MGAT4C: variants seen among roughly 807,000 people sequenced by gnomAD.
MGAT4C encodes alpha-1,3-mannosyl-glycoprotein 4-beta-N-acetylglucosaminyltransferase C.
MGAT4C carries 19 observed loss-of-function variants against 40.1 expected under a neutral mutation model. The observed-to-expected ratio is 0.47, with a 90% CI of 0.33 to 0.70. MGAT4C has a LOEUF of 0.70. Among genes scored for constraint, MGAT4C ranks in the 30% least tolerant of loss-of-function variants. The pLI is 0.02. For synonymous variants in MGAT4C, 181 were observed against 187.1 expected (o/e 0.97, Z 0.27); for missense variants, 491 against 563.2 (o/e 0.87, Z 1.30).
Position 86,510,340 on chromosome 12 carries a change from G to A in MGAT4C, c.-228-75075C>T, listed in dbSNP as rs181416410. On this transcript the variant is annotated intron_variant, in intron 2 of 7. Coordinates refer to the MGAT4C transcript ENST00000548651. Reference sequence around the variant, plus strand: ...TGCTCTAAAAGAGCTCCTGAAGGAAGCACTAAACATGGAAAGGAAAAACCG... The same window carrying A: ...TGCTCTAAAAGAGCTCCTGAAGGAAACACTAAACATGGAAAGGAAAAACCG... Among the ~76,000 whole-genome samples, 5 of 152,172 alleles carry A rather than the reference G, an allele frequency of 3.3e-5. No homozygotes were observed. In the East Asian group the frequency reaches 7.7e-4, roughly 24 times the overall value.
intron 1 of MGAT4C, among the ~76,000 whole-genome samples, chr12:86,155,128 T>C (rs1884775049): frequency 6.6e-6 from 1 of 152,180 alleles, no homozygotes; most frequent in South Asian, 2.1e-4. Context: ...GAATTAACTA[T>C]TTTTCAGGTA....
At chr12:86,764,679 ACAAT>A (rs1273171998) in intron 1 of MGAT4C, among the ~76,000 whole-genome samples, 2 of 151,820 alleles carry the variant, frequency 1.3e-5, no homozygotes, top group African/African-American at 2.4e-5. Flanking sequence ...TTCCAGAGGA[ACAAT>A]CAGACAGCAG....
chr12:86,239,969 A>G (rs1256036110), intron 1 of MGAT4C, among the ~76,000 whole-genome samples: 1 of 151,120 alleles, frequency 6.6e-6, no homozygotes, highest in African/African-American at 2.4e-5. Flanking sequence ...TGGCACATGT[A>G]TACATATGTA....
intron 1 of MGAT4C, among the ~76,000 whole-genome samples, chr12:86,117,589 T>C (rs1372956176): frequency 1.3e-5 from 2 of 152,132 alleles, no homozygotes; most frequent in African/African-American, 4.8e-5. Flanking sequence ...TGAAGAACCA[T>C]CATCACTCTA....
chr12:86,251,902 G>C (rs1458113925), intron 1 of MGAT4C, among the ~76,000 whole-genome samples: 1 of 151,948 alleles, frequency 6.6e-6, no homozygotes, highest in African/African-American at 2.4e-5. Flanking sequence ...GCAGAATTTA[G>C]CATTAAAAAG....
rs546699629 is a variant in MGAT4C at position 86,019,623 on chromosome 12, G to A, written c.-7+30051C>T. Among the ~76,000 whole-genome samples the A allele has an allele frequency of 2.1e-3, 317 of 152,238 alleles. 1 individual carries two copies. The highest frequency in any genetic ancestry group is 3.9e-3 in the Non-Finnish European group (264 of 68,022). On this transcript the variant is annotated intron_variant, in intron 2 of 4. Transcript: ENST00000611864. ...GTAGTATAGTTTGAAGTCAGGTAGC[G>A]TGATGCCTCCAGCCTTGTTCTTTTG...
intron 4 of MGAT4C, among the ~76,000 whole-genome samples, chr12:86,293,925 C>G (rs1247960613): frequency 6.6e-6 from 1 of 152,102 alleles, no homozygotes; most frequent in Non-Finnish European, 1.5e-5. Flanking sequence ...AACTGTGAGT[C>G]AACTAAACCT....
chr12:86,764,610 AC>A (rs939061086), intron 1 of MGAT4C, among the ~76,000 whole-genome samples: 2 of 146,110 alleles, frequency 1.4e-5, no homozygotes, highest in African/African-American at 2.5e-5. Context: ...ACTGGGAGGC[AC>A]CCCCCAGTAG....
intron 2 of MGAT4C, among the ~76,000 whole-genome samples, chr12:86,579,879 G>A (rs1316587965): frequency 6.6e-6 from 1 of 151,448 alleles, no homozygotes; most frequent in Non-Finnish European, 1.5e-5. Flanking sequence ...TTCTTTCCTG[G>A]CCTCTAAGGT....
chr12:86,698,580 T>C (rs1283023662), intron 2 of MGAT4C, among the ~76,000 whole-genome samples: 1 of 152,114 alleles, frequency 6.6e-6, no homozygotes, highest in Non-Finnish European at 1.5e-5. Flanking sequence ...TAAACTTTAC[T>C]GGGACTTTAA....
intron 1 of MGAT4C, among the ~76,000 whole-genome samples, chr12:86,735,266 C>T (rs1950967333): frequency 6.6e-6 from 1 of 151,614 alleles, no homozygotes; most frequent in South Asian, 2.1e-4. Flanking sequence ...ATGACTAATC[C>T]CGAGAGAGGG....
chr12:86,540,631 G>A (rs1385404620), intron 2 of MGAT4C, among the ~76,000 whole-genome samples: 2 of 152,108 alleles, frequency 1.3e-5, no homozygotes, highest in East Asian at 3.9e-4. Flanking sequence ...AGCTACTCAG[G>A]AGGCTGAGGC....
intron 2 of MGAT4C, among the ~76,000 whole-genome samples, chr12:86,625,942 A>C (rs914634921): frequency 3.3e-5 from 5 of 152,172 alleles, no homozygotes; most frequent in African/African-American, 4.8e-5. Context: ...AGAGGCAGAG[A>C]ATGTTAGACA....
chr12:86,656,000 C>G (rs1459456720), intron 2 of MGAT4C, among the ~76,000 whole-genome samples: 1 of 151,974 alleles, frequency 6.6e-6, no homozygotes, highest in Admixed American at 6.6e-5. Context: ...CAAATCATTA[C>G]TTTGCCTGAT....
At chr12:86,467,181 T>C (rs1957693797) in intron 2 of MGAT4C, among the ~76,000 whole-genome samples, 1 of 152,150 alleles carries the variant, frequency 6.6e-6, no homozygotes, top group East Asian at 1.9e-4. Flanking sequence ...AAGCAACATG[T>C]TCTACTTCCT....
intron 2 of MGAT4C, among the ~76,000 whole-genome samples, chr12:86,578,029 T>C (rs1960631439): frequency 6.6e-6 from 1 of 151,778 alleles, no homozygotes; most frequent in African/African-American, 2.4e-5. Flanking sequence ...AGGAAACCTG[T>C]AACCTGATTA....
At chr12:86,682,183 G>A (rs1031791529) in intron 2 of MGAT4C, among the ~76,000 whole-genome samples, 1 of 151,994 alleles carries the variant, frequency 6.6e-6, no homozygotes, top group African/African-American at 2.4e-5. Flanking sequence ...AAGTTTTGTA[G>A]GCATGTTTAC....
chr12:86,229,534 A>T (rs943247230), intron 1 of MGAT4C, among the ~76,000 whole-genome samples: 5 of 152,026 alleles, frequency 3.3e-5, no homozygotes, highest in Non-Finnish European at 4.4e-5. Context: ...TCTAATTCTT[A>T]GTTTACATTG....
chr12:86,602,201 A>G (rs555312325), intron 2 of MGAT4C, among the ~76,000 whole-genome samples: 22 of 152,162 alleles, frequency 1.4e-4, no homozygotes, highest in Non-Finnish European at 2.6e-4. Flanking sequence ...GGCTGGTAGC[A>G]TGAGCCGAGC....
Sources: allele counts gnomAD v4.1 joint callset (sites outside exome capture counted in the v4.1 genomes callset), GRCh38; gene constraint gnomAD v4.1.1; transcripts MANE v1.5; gene names NCBI Gene and HGNC (gene_info 2026-07-23, HGNC 2026-07-21).